Variants in DOCK5 observed in about 807,000 individuals in gnomAD.
The protein encoded by DOCK5 is dedicator of cytokinesis 5.
In DOCK5, 142 loss-of-function variants were observed where a neutral mutation model predicts 251.8. The ratio of observed to expected loss-of-function variants is 0.56; its 90% CI spans 0.49 to 0.65. The LOEUF is 0.65. DOCK5 is among the 30% of genes least tolerant of loss of function. DOCK5 has a pLI of 0.00. For synonymous variants in DOCK5, 842 were observed against 835.5 expected, an observed-to-expected ratio of 1.01 and a Z score of -0.13; for missense variants, 2,111 against 2,312.3, an observed-to-expected ratio of 0.91 and a Z score of 1.79.
In DOCK5 at chr8:25,197,073, C is replaced by G. The variant is rs549975700; in HGVS notation, c.43+12122C>G. ...ATTAGTAGAAAGAAAAATCGTTTTC[C>G]CCTTCCTCAAACAGGTAAAATCACC... On this transcript the variant is annotated intron_variant, in intron 1 of 51. Transcript: ENST00000276440. 3.9e-5 allele frequency among the ~76,000 whole-genome samples: 6 copies of G among 152,146 alleles called. No homozygotes were observed. The East Asian group carries it at 7.7e-4, about 20-fold the overall frequency.
chr8:25,289,956 C>T (rs2709630), intron 5 of DOCK5, among the ~76,000 whole-genome samples: 109,958 of 152,064 alleles, frequency 0.72, 41,018 homozygotes, highest in Non-Finnish European at 0.83. Flanking sequence ...TTTCTCTGAA[C>T]GCAGTACCTA....
chr8:25,262,501 A>G (rs1416739142), intron 2 of DOCK5, among the ~76,000 whole-genome samples: 1 of 152,134 alleles, frequency 6.6e-6, no homozygotes, highest in Non-Finnish European at 1.5e-5. Context: ...GCCTTTGCCT[A>G]GTTCTGGCCT....
intron 2 of DOCK5, among the ~76,000 whole-genome samples, chr8:25,247,983 A>G (rs559988048): frequency 7.9e-4 from 120 of 152,100 alleles, no homozygotes; most frequent in African/African-American, 2.9e-3. Context: ...GAACTTTTTC[A>G]TCTCAAAGGA....
intron 48 of DOCK5, among the ~76,000 whole-genome samples, chr8:25,406,057 C>G (rs1008114663): frequency 1.3e-5 from 2 of 152,146 alleles, no homozygotes; most frequent in African/African-American, 2.4e-5. Context: ...CTCCCGGGTT[C>G]ACGCCATTCT....
intron 40 of DOCK5, among the ~76,000 whole-genome samples, chr8:25,384,682 A>G (rs566614810): frequency 6.6e-6 from 1 of 151,284 alleles, no homozygotes; most frequent in Non-Finnish European, 1.5e-5. Context: ...CTGATCTCGA[A>G]CTCCTGACCT....
At position 25,291,101 on chromosome 8, in the gene DOCK5, T is replaced by C. The variant is rs1294186397; in HGVS notation, c.322-923T>C. On this transcript the variant is annotated intron_variant, in intron 5 of 51. Coordinates refer to ENST00000276440, the MANE Select transcript of DOCK5 (RefSeq NM_024940.8). ...GGTATGAAATGCAGCTGGGAATGTGTGGAAGAGTCAAGATATGGAAGGATC... is the reference window on the plus strand; with the variant it reads ...GGTATGAAATGCAGCTGGGAATGTGCGGAAGAGTCAAGATATGGAAGGATC... Among the ~76,000 whole-genome samples the C allele has an allele frequency of 2.6e-5, 4 of 152,224 alleles. No individual in the cohort carries two copies. The South Asian group carries it at 8.3e-4, about 32-fold the overall frequency.
chr8:25,282,107 G>A (rs981265862), intron 5 of DOCK5, among the ~76,000 whole-genome samples: 1 of 152,124 alleles, frequency 6.6e-6, no homozygotes, highest in African/African-American at 2.4e-5. Flanking sequence ...CATCCAGTAA[G>A]GAACAATCCA....
chr8:25,390,308 A>T, intron 42 of DOCK5, 21 bp downstream of exon 42: 1 of 1,492,026 alleles, frequency 6.7e-7, no homozygotes, highest in Non-Finnish European at 9.0e-7. Flanking sequence ...TTTCATTTAA[A>T]AAAAAAAAAA....
intron 10 of DOCK5, among the ~76,000 whole-genome samples, chr8:25,303,987 G>T (rs1804833913): frequency 6.6e-6 from 1 of 152,142 alleles, no homozygotes; most frequent in Non-Finnish European, 1.5e-5. Context: ...AAAGAATTTA[G>T]CAACTCGATC....
intron 1 of DOCK5, among the ~76,000 whole-genome samples, chr8:25,210,035 A>ATAT (rs1802087244): frequency 4.3e-4 from 5 of 11,712 alleles, no homozygotes; most frequent in African/African-American, 7.9e-4. Flanking sequence ...TATATATATA[A>ATAT]ATGTGTGTGT....
intron 42 of DOCK5, among the ~76,000 whole-genome samples, chr8:25,391,083 T>C (rs937535463): frequency 6.6e-6 from 1 of 152,000 alleles, no homozygotes; most frequent in Non-Finnish European, 1.5e-5. Flanking sequence ...CTCTGTCAAC[T>C]AGGCTGGCAT....
chr8:25,339,093 G>C (rs75706085), intron 22 of DOCK5, among the ~76,000 whole-genome samples: 1 of 152,060 alleles, frequency 6.6e-6, no homozygotes, highest in East Asian at 1.9e-4. Flanking sequence ...GGCAATGTGC[G>C]TCCCCTGGTT....
In DOCK5 at chr8:25,364,727, T is replaced by A. The variant is rs184097300; in HGVS notation, c.3123+23T>A. ...CAGGTAGGCATGTGACTCACCTACCTGCTTCTAGAATTCTTGGCCATGGCA... is the reference window on the plus strand; with the variant it reads ...CAGGTAGGCATGTGACTCACCTACCAGCTTCTAGAATTCTTGGCCATGGCA... On this transcript the variant is annotated intron_variant, in intron 30 of 51. Coordinates refer to ENST00000276440, the MANE Select transcript of DOCK5 (RefSeq NM_024940.8). The A allele has an allele frequency of 9.5e-4, 1,465 of 1,544,454 alleles. 9 individuals are homozygous for A. The highest frequency in any genetic ancestry group is 7.6e-3 in the African/African-American group (558 of 73,768).
rs757672490 is a variant in DOCK5 at position 25,377,320 on chromosome 8, TG to T, written c.3833del (p.Cys1278LeufsTer43). On this transcript the variant is annotated frameshift_variant, in exon 38 of 52. Coordinates refer to ENST00000276440, the MANE Select transcript of DOCK5 (RefSeq NM_024940.8). LOFTEE classifies it high-confidence loss of function. ...TCCTTTTCAGTGGTCTGACAAGCCC[TG>T]TGTGCCTCATTTGCTTCAGAAGGAC... ...AELLQWSDKP[C>X]VPHLLQKDSY... The T allele has an allele frequency of 1.9e-6, 3 of 1,613,318 alleles. No individual in the cohort carries two copies. The highest frequency in any genetic ancestry group is 2.5e-6 in the Non-Finnish European group (3 of 1,179,454).
chr8:25,364,794 C>A, intron 30 of DOCK5, 90 bp downstream of exon 30: 2 of 943,938 alleles, frequency 2.1e-6, no homozygotes, highest in Non-Finnish European at 3.2e-6. Flanking sequence ...TCAGATTTCA[C>A]TGTTTTCACA....
At chr8:25,315,460 C>G (rs1318479705) in intron 13 of DOCK5, among the ~76,000 whole-genome samples, 2 of 152,204 alleles carry the variant, frequency 1.3e-5, no homozygotes, top group Non-Finnish European at 2.9e-5. Context: ...TGGGGCAAGG[C>G]TGGTGAGTGG....
intron 20 of DOCK5, 44 bp from the exon 21 acceptor site, chr8:25,334,052 T>C (rs1292017491): frequency 1.2e-5 from 18 of 1,454,648 alleles, no homozygotes; most frequent in Non-Finnish European, 1.7e-5. Context: ...ACAGAATACT[T>C]GGGATTGTGC....
chr8:25,405,265 G>T (rs1253955919), intron 48 of DOCK5, among the ~76,000 whole-genome samples: 2 of 150,094 alleles, frequency 1.3e-5, no homozygotes, highest in African/African-American at 4.9e-5. Flanking sequence ...AACAAAAAAG[G>T]TACTTTTTTT....
chr8:25,247,927 C>G (rs577247414), intron 2 of DOCK5, among the ~76,000 whole-genome samples: 5 of 152,102 alleles, frequency 3.3e-5, no homozygotes, highest in Non-Finnish European at 7.4e-5. Flanking sequence ...CGCAAGAAAC[C>G]GCTCTTCTTA....
Sources: gnomAD v4.1 joint callset for allele counts (sites outside exome capture counted in the v4.1 genomes callset) on GRCh38, gnomAD v4.1.1 for gene constraint, MANE v1.5 for transcripts, NCBI Gene and HGNC (gene_info 2026-07-23, HGNC 2026-07-21) for gene names.